The following SLC39A12 variants were observed in gnomAD, a reference collection of about 807,000 sequenced individuals.
SLC39A12 encodes zinc transporter ZIP12.
SLC39A12 carries 63 observed loss-of-function variants against 71.1 expected under a neutral mutation model. The observed-to-expected ratio is 0.89, with a 90% confidence interval of 0.72 to 1.09. The LOEUF (loss-of-function observed/expected upper bound fraction) is 1.09, where lower values mean the gene tolerates loss of function less well. Ranked by LOEUF, SLC39A12 falls within the 50% of genes least tolerant of loss-of-function variation. The pLI, the probability that SLC39A12 is intolerant of heterozygous loss-of-function variation, is 0.00. For missense variants in SLC39A12, 892 were observed against 812.6 expected (o/e 1.10, Z -1.19); for synonymous variants, 351 against 301.3 (o/e 1.16, Z -1.71).
At chr10:17,979,065 TA>T (rs2130805796) in intron 5 of SLC39A12, among the ~76,000 whole-genome samples, 1 of 152,342 alleles carries the variant, frequency 6.6e-6, no homozygotes, top group East Asian at 1.9e-4. Flanking sequence ...AATATGTTTG[TA>T]AAGCTTCTGT....
chr10:18,027,525 C>A (rs933258565), intron 12 of SLC39A12, among the ~76,000 whole-genome samples: 1 of 152,206 alleles, frequency 6.6e-6, no homozygotes, highest in Non-Finnish European at 1.5e-5. Context: ...AATCTGGGGG[C>A]CTTTTAAGAT....
chr10:17,991,472 A>T (rs1215357952), intron 8 of SLC39A12, among the ~76,000 whole-genome samples, 169 bp downstream of exon 8: 1 of 152,312 alleles, frequency 6.6e-6, no homozygotes, highest in East Asian at 1.9e-4. Context: ...TTAATTTTTT[A>T]AAATATCTAT....
chr10:17,971,946 C>G (rs1299002697), intron 4 of SLC39A12, among the ~76,000 whole-genome samples: 2 of 152,082 alleles, frequency 1.3e-5, no homozygotes, highest in Non-Finnish European at 2.9e-5. Context: ...GAAATCTCCT[C>G]TTTTTCGATG....
rs1554848411 is a variant in SLC39A12 at position 17,961,726 on chromosome 10, G to A, written c.407G>A (p.Ser136Asn). Reference protein sequence around the residue: ...EEICSSKLNMSNKEYKFYLHS... With the variant: ...EEICSSKLNMNNKEYKFYLHS... ...ATCTGTTCTTCAAAGCTCAACATGA[G>A]TAATAAAGAGTATAAATTTTACCTA... The change falls in exon 3 of 13, where the codon AGT becomes AAT. Residue 136 changes from serine (S) to asparagine (N), a missense_variant. By Grantham distance (46) the Ser-to-Asn change is conservative. Coordinates refer to ENST00000377369, the MANE Select transcript of SLC39A12 (RefSeq NM_001145195.2). The A allele has an allele frequency of 1.9e-6, 3 of 1,614,054 alleles. No homozygotes were observed. Among genetic ancestry groups the A allele is most frequent in the South Asian group, 2.2e-5 (2 of 91,070 alleles).
intron 12 of SLC39A12, among the ~76,000 whole-genome samples, chr10:18,036,823 G>T (rs1243871802): frequency 1.7e-4 from 19 of 114,656 alleles, no homozygotes; most frequent in East Asian, 3.0e-4. Context: ...TCTCACTCTT[G>T]TCGCCTAGCC....
At chr10:18,009,619 G>C (rs983265466) in intron 12 of SLC39A12, 5 of 152,314 alleles carry the variant, frequency 3.3e-5, no homozygotes, top group African/African-American at 7.2e-5. Flanking sequence ...CAGGGGATTG[G>C]GGGGAGCAGG....
intron 12 of SLC39A12, among the ~76,000 whole-genome samples, chr10:18,035,922 G>A (rs544420894): frequency 6.6e-6 from 1 of 152,144 alleles, no homozygotes; most frequent in Non-Finnish European, 1.5e-5. Context: ...AGGTGTCAGT[G>A]TGCCCCTGCT....
intron 2 of SLC39A12, among the ~76,000 whole-genome samples, chr10:17,956,106 G>A (rs782236600): frequency 2.0e-5 from 3 of 151,956 alleles, no homozygotes; most frequent in Non-Finnish European, 4.4e-5. Context: ...TGTCTGTGAG[G>A]GTCAAATGGA....
chr10:17,958,734 A>G, intron 2 of SLC39A12, among the ~76,000 whole-genome samples: 2 of 152,296 alleles, frequency 1.3e-5, no homozygotes, highest in Middle Eastern at 3.4e-3. Flanking sequence ...GGTGTAATTC[A>G]TGTGTTCTTT....
chr10:17,991,084 A>AT lies in SLC39A12; in HGVS notation c.1270-66dup, dbSNP rs1835531828. ...TATTCAACACTGGGCCTACTATTTA[A>AT]TAGTTAAGTCATCAAGACTTATCTC... On this transcript the variant is annotated intron_variant, in intron 7 of 12. Transcript: ENST00000377369. The AT allele has an allele frequency of 1.1e-5, 15 of 1,424,180 alleles. No individual in the cohort carries two copies. The South Asian group carries it at 2.0e-4, about 19-fold the overall frequency. The allele number at this position is 1,424,180 out of a possible 1,614,324, so 88.2% of individuals were successfully genotyped here.
At chr10:18,031,333 T>C (rs970103327) in intron 12 of SLC39A12, among the ~76,000 whole-genome samples, 9 of 144,634 alleles carry the variant, frequency 6.2e-5, no homozygotes, top group African/African-American at 7.6e-5. Flanking sequence ...GTTTAATGAT[T>C]GCCATTCTAA....
intron 8 of SLC39A12, among the ~76,000 whole-genome samples, chr10:17,992,544 C>A (rs1835580919): frequency 6.6e-6 from 1 of 151,982 alleles, no homozygotes; most frequent in South Asian, 2.1e-4. Context: ...AGTTCTAATC[C>A]CAAGAAGCAT....
chr10:18,021,450 T>C (rs1324244136), intron 12 of SLC39A12, among the ~76,000 whole-genome samples: 2 of 152,052 alleles, frequency 1.3e-5, no homozygotes, highest in Admixed American at 6.6e-5. Flanking sequence ...CCCCTGCTCT[T>C]TTCTGTTTTC....
At position 17,977,974 on chromosome 10, in the gene SLC39A12, A is replaced by T; in HGVS notation, c.824A>T (p.Gln275Leu). 1 of 1,612,132 alleles carries T rather than the reference A, an allele frequency of 6.2e-7. No homozygotes were observed. Among genetic ancestry groups the T allele is most frequent in the Non-Finnish European group, 8.5e-7 (1 of 1,179,178 alleles). The change falls in exon 5 of 13, where the codon CAA becomes CTA. Residue 275 changes from glutamine (Q) to leucine (L), a missense_variant. Gln to Leu is a moderately radical substitution (Grantham distance 113). Transcript: ENST00000377369. The part of the protein sequence containing the change: ...CIKNEKIHQF[Q>L]RKQNNIITHD... ...AAAAATGAGAAAATCCATCAATTTC[A>T]AAGGAAACAAAACAACATAATAACC...
intron 12 of SLC39A12, among the ~76,000 whole-genome samples, chr10:18,003,846 G>T (rs1355074189): frequency 6.6e-6 from 1 of 152,152 alleles, no homozygotes; most frequent in Non-Finnish European, 1.5e-5. Flanking sequence ...ATTTGTCATT[G>T]AATTAAATCA....
chr10:17,954,045 C>A (rs1278409149), intron 2 of SLC39A12, among the ~76,000 whole-genome samples: 2 of 152,080 alleles, frequency 1.3e-5, no homozygotes, highest in African/African-American at 2.4e-5. Flanking sequence ...GCTGGGGAGA[C>A]AGATGCTGCA....
At chr10:18,013,352 A>T (rs1429918001) in intron 12 of SLC39A12, among the ~76,000 whole-genome samples, 74 of 33,740 alleles carry the variant, frequency 2.2e-3, no homozygotes, top group African/African-American at 6.0e-3. Flanking sequence ...TTTATTTATT[A>T]TTATTATTAT....
At chr10:17,964,536 A>G (rs1434788395) in intron 3 of SLC39A12, among the ~76,000 whole-genome samples, 4 of 152,208 alleles carry the variant, frequency 2.6e-5, no homozygotes, top group Admixed American at 1.3e-4. Context: ...TAGGCACTCA[A>G]ATGTCTGAAT....
intron 12 of SLC39A12, chr10:18,005,959 A>G (rs961918136): frequency 6.6e-6 from 1 of 152,194 alleles, no homozygotes; most frequent in African/African-American, 2.4e-5. Flanking sequence ...TCTTTCACAT[A>G]GCAATAAGTT....
Sources: allele counts gnomAD v4.1 joint callset (sites outside exome capture counted in the v4.1 genomes callset), GRCh38; gene constraint gnomAD v4.1.1; transcripts MANE v1.5; gene names NCBI Gene and HGNC (gene_info 2026-07-23, HGNC 2026-07-21).